ZNF407: variants seen among roughly 807,000 people sequenced by gnomAD.
The protein encoded by ZNF407 is zinc finger protein 407.
A neutral mutation model predicts 131.2 loss-of-function variants in ZNF407; 17 were observed. That is an observed-to-expected ratio of 0.13 (90% confidence interval 0.09 to 0.19). The LOEUF is 0.19. ZNF407 is among the 10% of genes least tolerant of loss of function. The probability of loss-of-function intolerance (pLI) is 1.00; values close to 1 mark genes in which losing one functional copy is unlikely to be tolerated. For synonymous variants in ZNF407, 1,156 were observed against 1,062.0 expected (o/e 1.09, Z -1.72); for missense variants, 2,681 against 2,830.6 (o/e 0.95, Z 1.20).
At chr18:74,700,666 CTT>C (rs1481019218) in intron 3 of ZNF407, among the ~76,000 whole-genome samples, 2 of 152,296 alleles carry the variant, frequency 1.3e-5, no homozygotes, top group South Asian at 2.1e-4. Flanking sequence ...ACAGAGGAGA[CTT>C]AGTCCCCAAA....
At chr18:74,693,217 G>C (rs1285468813) in intron 3 of ZNF407, among the ~76,000 whole-genome samples, 2 of 152,140 alleles carry the variant, frequency 1.3e-5, no homozygotes, top group African/African-American at 4.8e-5. Context: ...GAGTTTATGT[G>C]GTTGCTTTAT....
chr18:74,711,354 CAGAG>C (rs1442570444), intron 3 of ZNF407, among the ~76,000 whole-genome samples: 2 of 152,266 alleles, frequency 1.3e-5, no homozygotes, highest in East Asian at 3.9e-4. Flanking sequence ...GACCTTAAAA[CAGAG>C]AGACTATCTG....
At chr18:74,846,034 C>T (rs1330241396) in intron 4 of ZNF407, among the ~76,000 whole-genome samples, 2 of 152,118 alleles carry the variant, frequency 1.3e-5, no homozygotes, top group African/African-American at 2.4e-5. Flanking sequence ...CAACTTGGCT[C>T]TTTTGTATGC....
At position 74,631,718 on chromosome 18, in the gene ZNF407, T is replaced by A. The variant is rs776241248; in HGVS notation, c.699T>A (p.His233Gln). ...AGAGCAGCTCAGCACTACATATGCA[T>A]ATCAAACAAGCACATGGGCCACAGA... ...KAESSSALHM[H>Q]IKQAHGPQKV... is the part of the protein sequence containing the mutation. Residue 233 changes from histidine to glutamine, a missense_variant, in exon 2 of 9, where the codon CAT becomes CAA. His to Gln is a conservative substitution (Grantham distance 24). Transcript: ENST00000299687. 1 of 1,614,014 alleles carries A rather than the reference T, an allele frequency of 6.2e-7. No individual in the cohort carries two copies. The highest frequency in any genetic ancestry group is 8.5e-7 in the Non-Finnish European group (1 of 1,179,886).
chr18:74,843,002 C>T lies in ZNF407; in HGVS notation c.4878-34195C>T, dbSNP rs1599190765. ...AAGTGCTGGAATTACAGGCATGAGCCACCGTGCCTGGCCCTTCTGTGTTAT... is the reference window on the plus strand; with the variant it reads ...AAGTGCTGGAATTACAGGCATGAGCTACCGTGCCTGGCCCTTCTGTGTTAT... On this transcript the variant is annotated intron_variant, in intron 4 of 8. Transcript: ENST00000299687. Among the ~76,000 whole-genome samples the T allele has an allele frequency of 2.6e-5, 4 of 152,284 alleles. 1 individual carries two copies. Among genetic ancestry groups the T allele is most frequent in the Admixed American group, 2.6e-4 (4 of 15,300 alleles).
intron 4 of ZNF407, among the ~76,000 whole-genome samples, chr18:74,835,166 A>G (rs550055860): frequency 6.6e-6 from 1 of 152,304 alleles, no homozygotes; most frequent in Admixed American, 6.5e-5. Flanking sequence ...GACAGCAACC[A>G]GAACAAACCC....
intron 8 of ZNF407, among the ~76,000 whole-genome samples, chr18:74,988,764 C>T (rs1233975154): frequency 2.0e-5 from 3 of 152,068 alleles, no homozygotes; most frequent in African/African-American, 7.2e-5. Context: ...ATTAAAGCCA[C>T]GAGGAGATGC....
intron 4 of ZNF407, among the ~76,000 whole-genome samples, chr18:74,791,799 T>C (rs1327621079): frequency 1.3e-5 from 2 of 152,200 alleles, no homozygotes; most frequent in Non-Finnish European, 2.9e-5. Flanking sequence ...GTTAATTTCT[T>C]GAGGGCTGGT....
intron 3 of ZNF407, among the ~76,000 whole-genome samples, chr18:74,760,742 G>T (rs192629366): frequency 2.1e-3 from 313 of 152,152 alleles, no homozygotes; most frequent in Non-Finnish European, 3.8e-3. Context: ...CTGTTTGACC[G>T]CTCCTCCTAG....
chr18:74,755,632 A>C (rs1422904309), intron 3 of ZNF407, among the ~76,000 whole-genome samples: 1 of 119,220 alleles, frequency 8.4e-6, no homozygotes, highest in Non-Finnish European at 1.6e-5. Context: ...TCTGTTGCCC[A>C]GGCTGGAGTG....
chr18:74,988,415 A>G (rs1399833242), intron 8 of ZNF407, among the ~76,000 whole-genome samples: 5 of 151,924 alleles, frequency 3.3e-5, no homozygotes, highest in Admixed American at 6.6e-5. Flanking sequence ...TTGAACCATC[A>G]AAGTTGAAAG....
intron 3 of ZNF407, among the ~76,000 whole-genome samples, chr18:74,750,990 G>A (rs2144944085): frequency 6.6e-6 from 1 of 152,126 alleles, no homozygotes; most frequent in African/African-American, 2.4e-5. Flanking sequence ...ATTTTATGGG[G>A]AAATATCTAT....
chr18:75,035,913 G>A (rs1402319049), intron 8 of ZNF407, among the ~76,000 whole-genome samples: 1 of 152,168 alleles, frequency 6.6e-6, no homozygotes, highest in Non-Finnish European at 1.5e-5. Context: ...CTTTCTCCTA[G>A]GTTATTGCAT....
intron 4 of ZNF407, among the ~76,000 whole-genome samples, chr18:74,832,114 G>A (rs1970493568): frequency 6.6e-6 from 1 of 152,216 alleles, no homozygotes; most frequent in South Asian, 2.1e-4. Context: ...TCAACTCTGA[G>A]TGTGTTTGTG....
At chr18:74,682,417 T>C (rs1568164715) in intron 3 of ZNF407, among the ~76,000 whole-genome samples, 1 of 152,228 alleles carries the variant, frequency 6.6e-6, no homozygotes, top group Non-Finnish European at 1.5e-5. Context: ...TGGGTGGTAC[T>C]TCAGCTTCGT....
intron 8 of ZNF407, among the ~76,000 whole-genome samples, chr18:74,995,095 T>A (rs1437285573): frequency 1.3e-5 from 2 of 152,210 alleles, no homozygotes; most frequent in Non-Finnish European, 2.9e-5. Context: ...CTGAAATGAC[T>A]CACATCCTGA....
chr18:75,012,386 GTGTATGTACACATAGTGTACGTACACA>G, intron 8 of ZNF407, among the ~76,000 whole-genome samples: 2 of 74,320 alleles, frequency 2.7e-5, no homozygotes, highest in East Asian at 4.3e-4. Flanking sequence ...TGTACACATA[GTGTATGTACACATAGTGTACGTACACA>G]TAGTGTATAG....
At chr18:74,945,421 C>A (rs1316487399) in intron 8 of ZNF407, among the ~76,000 whole-genome samples, 2 of 152,202 alleles carry the variant, frequency 1.3e-5, no homozygotes, top group African/African-American at 2.4e-5. Context: ...CCCTTGCAGA[C>A]AGCTCGCCCA....
intron 8 of ZNF407, among the ~76,000 whole-genome samples, chr18:75,057,950 A>C (rs1451861128): frequency 6.6e-6 from 1 of 152,128 alleles, no homozygotes; most frequent in Non-Finnish European, 1.5e-5. Flanking sequence ...GTACATTTTA[A>C]TTAAATGTAA....
Sources: allele counts gnomAD v4.1 joint callset (sites outside exome capture counted in the v4.1 genomes callset), GRCh38; gene constraint gnomAD v4.1.1; transcripts MANE v1.5; gene names NCBI Gene and HGNC (gene_info 2026-07-23, HGNC 2026-07-21).